Variants in TMCO6 observed in about 807,000 individuals in gnomAD.
TMCO6 encodes transmembrane and coiled-coil domains 6.
A neutral mutation model predicts 61.8 loss-of-function variants in TMCO6; 47 were observed. The observed-to-expected ratio is 0.76, with a 90% CI of 0.60 to 0.97. The LOEUF is 0.97. Among genes scored for constraint, TMCO6 ranks in the 50% least tolerant of loss-of-function variants. The probability of loss-of-function intolerance (pLI) is 0.00; values close to 1 mark genes in which losing one functional copy is unlikely to be tolerated. For missense variants in TMCO6, 557 were observed against 601.6 expected (o/e 0.93, Z 0.78); for synonymous variants, 261 against 254.2 (o/e 1.03, Z -0.25).
chr5:140,597,321 T>C, the TMCO6 span, among the ~76,000 whole-genome samples: 1 of 152,114 alleles, frequency 6.6e-6, no homozygotes, highest in East Asian at 1.9e-4. Context: ...TTATATCAAA[T>C]TGAGGTAGAT....
At chr5:140,642,502 C>T in intron 5 of TMCO6, 83 bp downstream of exon 5, 1 of 1,601,872 alleles carries the variant, frequency 6.2e-7, no homozygotes, top group South Asian at 1.1e-5. Flanking sequence ...TAGCTCCAGC[C>T]TCTGCCCTGT....
chr5:140,598,346 G>A, the TMCO6 span, among the ~76,000 whole-genome samples: 2 of 151,828 alleles, frequency 1.3e-5, no homozygotes, highest in African/African-American at 2.4e-5. Flanking sequence ...TGGGATTATA[G>A]GCATGAGCCA....
At chr5:140,621,773 G>A in the TMCO6 span, among the ~76,000 whole-genome samples, 1 of 152,130 alleles carries the variant, frequency 6.6e-6, no homozygotes. Context: ...CACACCTGGG[G>A]GTGGGTCTCT....
At chr5:140,611,497 G>C in the TMCO6 span, among the ~76,000 whole-genome samples, 1 of 152,170 alleles carries the variant, frequency 6.6e-6, no homozygotes, top group Non-Finnish European at 1.5e-5. Context: ...CTTTGTGGCT[G>C]CTTGTTGTTA....
chr5:140,632,040 G>A, the TMCO6 span: 1 of 1,614,204 alleles, frequency 6.2e-7, no homozygotes, highest in African/African-American at 1.3e-5. This position sits in a 1 kb window ranked among gnomAD's most constrained non-coding sequence, Gnocchi z 6.2. Context: ...CAGCTCGTCA[G>A]GCTGCGGCGC....
downstream of TMCO6, chr5:140,647,661 C>G (rs886460495): frequency 6.5e-7 from 1 of 1,547,552 alleles, no homozygotes; most frequent in African/African-American, 1.4e-5. Flanking sequence ...ACCCTAAAGC[C>G]TAGCCCATAG....
chr5:140,609,085 A>G, the TMCO6 span: 1 of 152,350 alleles, frequency 6.6e-6, no homozygotes, highest in African/African-American at 2.4e-5. Context: ...AGGAGTAGCC[A>G]TGGCTCTGTG....
chr5:140,618,530 T>C, the TMCO6 span, among the ~76,000 whole-genome samples: 1 of 152,080 alleles, frequency 6.6e-6, no homozygotes, highest in Non-Finnish European at 1.5e-5. Flanking sequence ...GGGGTATATG[T>C]GTAGGTTTGT....
At chr5:140,617,731 C>CA in the TMCO6 span, among the ~76,000 whole-genome samples, 164 of 119,198 alleles carry the variant, frequency 1.4e-3, no homozygotes, top group Admixed American at 5.0e-4. Flanking sequence ...GAGTCTCTGT[C>CA]AAAAAAAAAA....
At chr5:140,645,544 G>T, downstream of TMCO6, 1 of 1,612,164 alleles carries the variant, frequency 6.2e-7, no homozygotes, top group Non-Finnish European at 8.5e-7. Flanking sequence ...GTCCAGCAGA[G>T]CCCAGGCTCT....
the TMCO6 span, among the ~76,000 whole-genome samples, chr5:140,626,872 C>A: frequency 6.6e-6 from 1 of 152,158 alleles, no homozygotes; most frequent in Non-Finnish European, 1.5e-5. Flanking sequence ...TGTTAAAGAG[C>A]AGATCAGTGC....
chr5:140,630,713 A>T, the TMCO6 span, among the ~76,000 whole-genome samples: 1 of 152,238 alleles, frequency 6.6e-6, no homozygotes, highest in African/African-American at 2.4e-5. Context: ...GTGAGTGTCC[A>T]GCTAATTTAA....
At chr5:140,635,001 C>T (rs551387689), upstream of TMCO6, among the ~76,000 whole-genome samples, 4 of 149,410 alleles carry the variant, frequency 2.7e-5, no homozygotes, top group Admixed American at 1.3e-4. Flanking sequence ...AGGCTGGTCT[C>T]GAACTCCCGA....
At chr5:140,617,104 A>C in the TMCO6 span, among the ~76,000 whole-genome samples, 2 of 152,182 alleles carry the variant, frequency 1.3e-5, no homozygotes, top group Admixed American at 1.3e-4. Flanking sequence ...AAGAAGATAT[A>C]TAAATGACCA....
the TMCO6 span, among the ~76,000 whole-genome samples, chr5:140,630,759 A>C: frequency 6.6e-6 from 1 of 152,182 alleles, no homozygotes; most frequent in African/African-American, 2.4e-5. Context: ...GGTTCTGGTA[A>C]TGTCTGTAAC....
chr5:140,611,089 T>A, the TMCO6 span, among the ~76,000 whole-genome samples: 1 of 152,196 alleles, frequency 6.6e-6, no homozygotes, highest in Non-Finnish European at 1.5e-5. Context: ...AAGACAGGTT[T>A]ATTTTGGAGC....
chr5:140,603,954 A>G, the TMCO6 span, among the ~76,000 whole-genome samples: 3 of 152,294 alleles, frequency 2.0e-5, no homozygotes, highest in East Asian at 1.9e-4. Context: ...TACTTTCCCA[A>G]TAGCAAGGTA....
At chr5:140,639,934 T>C (rs1756912046) in intron 2 of TMCO6, 83 bp downstream of exon 2, 2 of 1,192,124 alleles carry the variant, frequency 1.7e-6, no homozygotes, top group Non-Finnish European at 2.4e-6. Flanking sequence ...GCCCCAAACC[T>C]GAACGCAATC....
chr5:140,599,316 C>T, the TMCO6 span, among the ~76,000 whole-genome samples: 1 of 152,168 alleles, frequency 6.6e-6, no homozygotes, highest in African/African-American at 2.4e-5. Flanking sequence ...ATTGATATGT[C>T]CTACTTTAAT....
Sources: allele counts gnomAD v4.1 joint callset (sites outside exome capture counted in the v4.1 genomes callset), GRCh38; gene constraint gnomAD v4.1.1; non-coding constraint Gnocchi (gnomAD v3.1); transcripts MANE v1.5; gene names NCBI Gene and HGNC (gene_info 2026-07-23, HGNC 2026-07-21).